PALLD: variants seen among roughly 807,000 people sequenced by gnomAD.
The protein encoded by PALLD is palladin.
A neutral mutation model predicts 123.5 loss-of-function variants in PALLD; 61 were observed. The observed-to-expected ratio is 0.49, with a 90% confidence interval of 0.40 to 0.61. PALLD has a LOEUF of 0.61. Ranked by LOEUF, PALLD falls within the 20% of genes least tolerant of loss-of-function variation. PALLD has a pLI of 0.00. For synonymous variants in PALLD, 465 were observed against 496.4 expected, an observed-to-expected ratio of 0.94 and a Z score of 0.84; for missense variants, 1,273 against 1,377.0, an observed-to-expected ratio of 0.92 and a Z score of 1.20.
At chr4:168,791,403 C>G (rs1425247639) in intron 10 of PALLD, among the ~76,000 whole-genome samples, 1 of 152,138 alleles carries the variant, frequency 6.6e-6, no homozygotes, top group African/African-American at 2.4e-5. Context: ...TGACTCAGTA[C>G]TGCATGGCTG....
chr4:168,751,734 C>G (rs1326990381), intron 10 of PALLD, among the ~76,000 whole-genome samples: 1 of 152,078 alleles, frequency 6.6e-6, no homozygotes, highest in Non-Finnish European at 1.5e-5. Flanking sequence ...CAGTAACCTG[C>G]TAGCAAATGT....
chr4:168,832,085 C>G, intron 10 of PALLD: 1 of 972,102 alleles, frequency 1.0e-6, no homozygotes, highest in Non-Finnish European at 1.2e-6. Flanking sequence ...ATACCTGCCC[C>G]GCGCCCGGTC....
chr4:168,664,109 G>A (rs116049043), intron 2 of PALLD, among the ~76,000 whole-genome samples: 1,667 of 152,210 alleles, frequency 0.011, 29 homozygotes, highest in African/African-American at 0.031. Flanking sequence ...TTTGTTTAAC[G>A]TTGTCTCAAT....
chr4:168,686,098 A>G (rs1782018785), intron 6 of PALLD, among the ~76,000 whole-genome samples: 2 of 152,128 alleles, frequency 1.3e-5, no homozygotes, highest in South Asian at 2.1e-4. Context: ...ATGGAGACAT[A>G]TGACATGCTT....
chr4:168,809,863 C>CA (rs71588165), intron 10 of PALLD, among the ~76,000 whole-genome samples: 118 of 132,656 alleles, frequency 8.9e-4, no homozygotes, highest in Non-Finnish European at 1.2e-3. Flanking sequence ...GACTCTGTCT[C>CA]AAAAAAAAAA....
chr4:168,814,993 A>G (rs1741703184), intron 10 of PALLD, among the ~76,000 whole-genome samples: 1 of 151,502 alleles, frequency 6.6e-6, no homozygotes, highest in African/African-American at 2.4e-5. Context: ...CTGGTCTTGA[A>G]CTCCTGACCT....
intron 10 of PALLD, among the ~76,000 whole-genome samples, chr4:168,835,202 C>G (rs1311363571): frequency 1.3e-5 from 2 of 152,156 alleles, no homozygotes; most frequent in Non-Finnish European, 2.9e-5. Context: ...ACTTTTTCAG[C>G]ACTTATTTCA....
chr4:168,753,847 G>A (rs892676128), intron 10 of PALLD, among the ~76,000 whole-genome samples: 12 of 152,096 alleles, frequency 7.9e-5, no homozygotes, highest in African/African-American at 2.4e-4. Flanking sequence ...GCAAACTCAC[G>A]AGAGACACAG....
At position 168,824,279 on chromosome 4, in the gene PALLD, T is replaced by G. The variant is rs548035710; in HGVS notation, c.1965-66643T>G. On this transcript the variant is annotated intron_variant, in intron 10 of 21. Transcript: ENST00000505667. ...TGTCCAGAAATACATTTTTTTATTT[T>G]TTTATTTTTTTACCAATCCTCTTAA... Among the ~76,000 whole-genome samples the G allele has an allele frequency of 5.3e-5, 8 of 152,290 alleles. No homozygotes were observed. In the South Asian group the frequency reaches 1.5e-3, roughly 28 times the overall value.
At chr4:168,605,951 C>G (rs989313657) in intron 2 of PALLD, among the ~76,000 whole-genome samples, 1 of 151,820 alleles carries the variant, frequency 6.6e-6, no homozygotes, top group African/African-American at 2.4e-5. Context: ...TTTTTTAGGG[C>G]AAATTTCTAG....
chr4:168,750,984 A>ATGTGTGTGTG lies in PALLD; in HGVS notation c.1964+39073_1964+39082dup, dbSNP rs56827421. On this transcript the variant is annotated intron_variant, in intron 10 of 21. Transcript: ENST00000505667. ...ATTCATGAGATCACATATTTTATAT[A>ATGTGTGTGTG]TGTGTGTGTGTGTGTGTGTGTCTGC... Among the ~76,000 whole-genome samples the ATGTGTGTGTG allele has an allele frequency of 2.2e-4, 33 of 148,518 alleles. 1 individual carries two copies. The South Asian group carries it at 6.7e-3, about 30-fold the overall frequency.
At chr4:168,548,322 G>C (rs190241815) in intron 2 of PALLD, among the ~76,000 whole-genome samples, 21 of 145,794 alleles carry the variant, frequency 1.4e-4, no homozygotes, top group African/African-American at 4.6e-4. Flanking sequence ...AAAAGGAAAA[G>C]AGATCATTTC....
At chr4:168,811,772 TCTCTCA>T (rs1377441577) in intron 10 of PALLD, among the ~76,000 whole-genome samples, 6 of 98,296 alleles carry the variant, frequency 6.1e-5, no homozygotes, top group African/African-American at 2.0e-4. Context: ...TCTCTCTCTC[TCTCTCA>T]CACACACACA....
At chr4:168,791,434 C>G (rs1274759042) in intron 10 of PALLD, among the ~76,000 whole-genome samples, 1 of 152,116 alleles carries the variant, frequency 6.6e-6, no homozygotes, top group South Asian at 2.1e-4. Context: ...AGGAAACTTA[C>G]AATCATGGTG....
chr4:168,690,776 A>G, intron 7 of PALLD, 32 bp downstream of exon 7: 2 of 1,610,440 alleles, frequency 1.2e-6, no homozygotes, highest in Non-Finnish European at 1.7e-6. Context: ...CCCAAATCTG[A>G]CCATTTTATT....
rs1370332169 is a variant in PALLD, at chr4:168,670,760, AAAAACAAAAAAAAAC to A, written c.1087+2397_1087+2411del. Among the ~76,000 whole-genome samples the A allele has an allele frequency of 5.1e-4, 54 of 106,072 alleles. 4 individuals are homozygous for A. The highest frequency in any genetic ancestry group is 2.3e-3 in the African/African-American group (50 of 21,886). 69.6% of individuals were successfully genotyped at this position (106,072 alleles called of 152,430 possible). ...GTCTCAAAAAAACAAAAAAAACAAAAAAAACAAAAAAAAACAAAAAAAAAAAAACAAAAAAAACAA... is the reference window on the plus strand; with the variant it reads ...GTCTCAAAAAAACAAAAAAAACAAAAAAAAAAAAAAAAACAAAAAAAACAA... On this transcript the variant is annotated intron_variant, in intron 3 of 21. Transcript: ENST00000505667.
At chr4:168,649,673 C>T (rs557192492) in intron 2 of PALLD, among the ~76,000 whole-genome samples, 1 of 152,226 alleles carries the variant, frequency 6.6e-6, no homozygotes, top group South Asian at 2.1e-4. Flanking sequence ...TGCATAACAA[C>T]CTTATGAGGA....
chr4:168,834,734 C>G (rs1334934168), intron 10 of PALLD, among the ~76,000 whole-genome samples: 1 of 151,792 alleles, frequency 6.6e-6, no homozygotes, highest in Non-Finnish European at 1.5e-5. Flanking sequence ...GAGACTCCAT[C>G]TAAAAATAAA....
At chr4:168,622,219 C>A (rs1248293603) in intron 2 of PALLD, among the ~76,000 whole-genome samples, 1 of 152,234 alleles carries the variant, frequency 6.6e-6, no homozygotes, top group Non-Finnish European at 1.5e-5. Context: ...TCCCCATCCT[C>A]CTCCCTATGC....
Sources: allele counts gnomAD v4.1 joint callset (sites outside exome capture counted in the v4.1 genomes callset), GRCh38; gene constraint gnomAD v4.1.1; transcripts MANE v1.5; gene names NCBI Gene and HGNC (gene_info 2026-07-23, HGNC 2026-07-21).